Variants in PTPRD observed in about 807,000 individuals in gnomAD.
PTPRD encodes the protein protein tyrosine phosphatase receptor type D.
A neutral mutation model predicts 214.5 loss-of-function variants in PTPRD; 34 were observed. The observed-to-expected ratio is 0.16, with a 90% CI of 0.12 to 0.21. The LOEUF (loss-of-function observed/expected upper bound fraction) is 0.21, where lower values mean the gene tolerates loss of function less well. Among genes scored for constraint, PTPRD ranks in the 10% least tolerant of loss-of-function variants. The pLI, the probability that PTPRD is intolerant of heterozygous loss-of-function variation, is 1.00. For missense variants in PTPRD, 2,545 were observed against 2,398.7 expected, an observed-to-expected ratio of 1.06 and a Z score of -1.27; for synonymous variants, 1,128 against 845.7, an observed-to-expected ratio of 1.33 and a Z score of -5.79.
intron 10 of PTPRD, among the ~76,000 whole-genome samples, chr9:9,162,967 C>T (rs1189524094): frequency 2.6e-5 from 4 of 152,114 alleles, no homozygotes; most frequent in African/African-American, 9.7e-5. Flanking sequence ...TTAGGACTCT[C>T]TATTTTCTTA....
In PTPRD at chr9:10,335,691, GA is replaced by G. The variant is rs1340881502; in HGVS notation, c.-545+5271del. 2.6e-5 allele frequency among the ~76,000 whole-genome samples: 4 copies of G among 151,572 alleles called. No homozygotes were observed. The East Asian group carries it at 7.8e-4, about 29-fold the overall frequency. Reference sequence around the variant, plus strand: ...ACTGTAAGAAAATATTTGTAAAAGAGATATCTGACAAAGGAATGTTATCTAA... The same window carrying G: ...ACTGTAAGAAAATATTTGTAAAAGAGTATCTGACAAAGGAATGTTATCTAA... On this transcript the variant is annotated intron_variant, in intron 3 of 45. Coordinates refer to ENST00000381196, the MANE Select transcript of PTPRD (RefSeq NM_002839.4).
intron 4 of PTPRD, among the ~76,000 whole-genome samples, chr9:9,948,361 G>A (rs542997736): frequency 1.3e-5 from 2 of 152,054 alleles, no homozygotes; most frequent in East Asian, 3.9e-4. Context: ...ATTCCTTATT[G>A]CTGCCACTCT....
In PTPRD at chr9:10,208,469, G is replaced by A. The variant is rs570385941; in HGVS notation, c.-545+132494C>T. Among the ~76,000 whole-genome samples the A allele has an allele frequency of 3.2e-4, 48 of 152,300 alleles. 1 individual carries two copies. The East Asian group carries it at 8.7e-3, about 28-fold the overall frequency. Reference sequence around the variant, plus strand: ...GCGGAGCTTGCAGTGAACGGAGATCGCGCCACTGCACTCCAGCCTGGGCGA... The same window carrying A: ...GCGGAGCTTGCAGTGAACGGAGATCACGCCACTGCACTCCAGCCTGGGCGA... On this transcript the variant is annotated intron_variant, in intron 3 of 45. Transcript: ENST00000381196.
At position 9,183,290 on chromosome 9, in the gene PTPRD, G is replaced by A. The variant is rs1174592948; in HGVS notation, c.-143+14C>T. ...CAGAGAAGGGAAAGGGTTAAAATGT[G>A]GTTGTGGACTCACCTTGAGTTAGCC... On this transcript the variant is annotated intron_variant, in intron 10 of 45. Coordinates refer to ENST00000381196, the MANE Select transcript of PTPRD (RefSeq NM_002839.4). 2.6e-5 allele frequency: 4 copies of A among 151,932 alleles called. No individual in the cohort carries two copies. Among genetic ancestry groups the A allele is most frequent in the African/African-American group, 9.7e-5 (4 of 41,412 alleles). 9.4% of individuals were successfully genotyped at this position (151,932 alleles called of 1,614,324 possible).
Position 9,179,458 on chromosome 9 carries a change from T to C in PTPRD, c.-143+3846A>G, listed in dbSNP as rs112398495. Among the ~76,000 whole-genome samples the C allele has an allele frequency of 7.4e-3, 1,130 of 152,180 alleles. 11 individuals carry two copies. The highest frequency in any genetic ancestry group is 0.025 in the African/African-American group (1,051 of 41,534). ...GACAAAGAAAGCTCACTTAACCAAATTGACTAAACTTGGTCAATGTCCCCA... is the reference window on the plus strand; with the variant it reads ...GACAAAGAAAGCTCACTTAACCAAACTGACTAAACTTGGTCAATGTCCCCA... On this transcript the variant is annotated intron_variant, in intron 10 of 45. Coordinates refer to ENST00000381196, the MANE Select transcript of PTPRD (RefSeq NM_002839.4).
intron 12 of PTPRD, among the ~76,000 whole-genome samples, chr9:8,692,528 C>T (rs2097829211): frequency 6.6e-6 from 1 of 152,162 alleles, no homozygotes; most frequent in Non-Finnish European, 1.5e-5. Context: ...ATGATGTGCT[C>T]TTGAAAATAA....
intron 9 of PTPRD, among the ~76,000 whole-genome samples, chr9:9,259,158 G>T (rs2099979018): frequency 6.6e-6 from 1 of 151,856 alleles, no homozygotes; most frequent in South Asian, 2.1e-4. Context: ...TCAGGGACAT[G>T]AAAATAGCTT....
At chr9:8,436,984 C>T (rs960665816) in intron 34 of PTPRD, among the ~76,000 whole-genome samples, 4 of 152,196 alleles carry the variant, frequency 2.6e-5, no homozygotes, top group Non-Finnish European at 5.9e-5. Context: ...GTGGAAAAAA[C>T]TGACAGTCAG....
Position 9,438,418 on chromosome 9 carries a change from G to T in PTPRD, c.-236-40936C>A, listed in dbSNP as rs114426265. Among the ~76,000 whole-genome samples, 362 of 152,236 alleles carry T rather than the reference G, an allele frequency of 2.4e-3. 1 individual carries two copies. The highest frequency in any genetic ancestry group is 8.3e-3 in the African/African-American group (345 of 41,532). Reference sequence around the variant, plus strand: ...ATACTGTTATTATAGAATATTAATTGGAATAAAGTTCCTTCTGACTTCTTT... The same window carrying T: ...ATACTGTTATTATAGAATATTAATTTGAATAAAGTTCCTTCTGACTTCTTT... On this transcript the variant is annotated intron_variant, in intron 8 of 45. Transcript: ENST00000381196.
intron 2 of PTPRD, among the ~76,000 whole-genome samples, chr9:10,499,122 G>C (rs1037088596): frequency 6.6e-6 from 1 of 151,812 alleles, no homozygotes; most frequent in African/African-American, 2.4e-5. Context: ...TGTTACATTT[G>C]TTACCAAAGA....
Position 8,517,875 on chromosome 9 carries a change from C to T in PTPRD, c.1516G>A (p.Asp506Asn), listed in dbSNP as rs2138454778. ...CCTGTCTGAGTGATGACTTGTATGT[C>T]ACTTGAAAGGGGACCATCTCCAATT... is the stretch of plus-strand genomic sequence containing the variant. ...TSIGDGPLSS[D>N]IQVITQTGVP... Residue 506 changes from aspartate to asparagine, a missense_variant, in exon 21 of 46, where the codon GAC (aspartate) becomes AAC (asparagine). Transcript: ENST00000381196. 1 of 1,613,872 alleles carries T rather than the reference C, an allele frequency of 6.2e-7. No homozygotes were observed. The highest frequency in any genetic ancestry group is 8.5e-7 in the Non-Finnish European group (1 of 1,179,870).
At chr9:10,295,395 T>C (rs1045529858) in intron 3 of PTPRD, among the ~76,000 whole-genome samples, 10 of 152,058 alleles carry the variant, frequency 6.6e-5, no homozygotes, top group African/African-American at 2.4e-4. Flanking sequence ...ATGGAGAAAT[T>C]ACCAAGAATA....
intron 35 of PTPRD, 97 bp downstream of exon 35, chr9:8,436,495 G>C: frequency 2.3e-6 from 2 of 877,744 alleles, no homozygotes; most frequent in Non-Finnish European, 3.6e-6. Context: ...CATATTTAAA[G>C]GGAAAAGCAC....
intron 35 of PTPRD, among the ~76,000 whole-genome samples, chr9:8,435,719 AC>A (rs1449237489): frequency 2.0e-5 from 3 of 151,918 alleles, no homozygotes; most frequent in Non-Finnish European, 4.4e-5. Flanking sequence ...ACACACACAC[AC>A]ACACACACAC....
At chr9:9,235,112 G>A (rs897205690) in intron 9 of PTPRD, among the ~76,000 whole-genome samples, 2 of 152,112 alleles carry the variant, frequency 1.3e-5, no homozygotes, top group African/African-American at 2.4e-5. Context: ...TATAATCATG[G>A]CAGAAGTCAC....
intron 10 of PTPRD, among the ~76,000 whole-genome samples, chr9:9,167,528 G>A (rs1343040252): frequency 6.6e-6 from 1 of 152,062 alleles, no homozygotes; most frequent in African/African-American, 2.4e-5. Context: ...ACCGAGGTGG[G>A]TGGATCACCT....
chr9:8,496,208 ACAAACACACAC>A (rs1563828363), intron 26 of PTPRD, among the ~76,000 whole-genome samples: 10 of 128,216 alleles, frequency 7.8e-5, no homozygotes, highest in African/African-American at 2.6e-4. Context: ...ACACACACAC[ACAAACACACAC>A]ACACACACAC....
intron 11 of PTPRD, among the ~76,000 whole-genome samples, chr9:8,893,000 C>T (rs139322671): frequency 3.9e-5 from 6 of 152,060 alleles, no homozygotes; most frequent in African/African-American, 1.4e-4. Context: ...ATAGTTGAAT[C>T]CAACTATAGT....
intron 2 of PTPRD, among the ~76,000 whole-genome samples, chr9:10,453,543 A>G (rs2098868332): frequency 1.3e-5 from 2 of 151,416 alleles, no homozygotes; most frequent in Admixed American, 6.6e-5. Flanking sequence ...ATTCCTAAGT[A>G]TTTTATTTTT....
Sources: gnomAD v4.1 joint callset for allele counts (sites outside exome capture counted in the v4.1 genomes callset) on GRCh38, gnomAD v4.1.1 for gene constraint, MANE v1.5 for transcripts, NCBI Gene and HGNC (gene_info 2026-07-23, HGNC 2026-07-21) for gene names.